The following TRPM2 variants were observed in gnomAD, a reference collection of about 807,000 sequenced individuals.
The protein encoded by TRPM2 is transient receptor potential cation channel subfamily M member 2, also known as estrogen-responsive element-associated gene 1 protein.
A neutral mutation model predicts 174.0 loss-of-function variants in TRPM2; 161 were observed. The ratio of observed to expected loss-of-function variants is 0.93; its 90% CI spans 0.81 to 1.05. The LOEUF is 1.05. Ranked by LOEUF, TRPM2 falls within the 50% of genes least tolerant of loss-of-function variation. The pLI, the probability that TRPM2 is intolerant of heterozygous loss-of-function variation, is 0.00. For missense variants in TRPM2, 2,057 were observed against 2,038.0 expected, an observed-to-expected ratio of 1.01 and a Z score of -0.18; for synonymous variants, 954 against 861.3, an observed-to-expected ratio of 1.11 and a Z score of -1.88.
rs2049533467 is a variant in TRPM2, at chr21:44,399,343, CTG to C, written c.2111_2112del (p.Leu704ProfsTer146). On this transcript the variant is annotated frameshift_variant, in exon 14 of 32. Coordinates refer to ENST00000397928, the MANE Select transcript of TRPM2 (RefSeq NM_003307.4). LOFTEE classifies it high-confidence loss of function. The surrounding 1 kb of genome is among the most constrained non-coding windows in gnomAD (Gnocchi z 4.6). ...GAAGGACGAAGAGAGAGCCCAGAAA[CTG>C]CTCACCCGCGTGTCCGAGGCCTGGG... ...YRKDEERAQK[L>X]LTRVSEAWGK... 1 of 1,612,872 alleles carries C rather than the reference CTG, an allele frequency of 6.2e-7. No homozygotes were observed. The highest frequency in any genetic ancestry group is 1.1e-5 in the South Asian group (1 of 91,088).
chr21:44,418,280 C>A, intron 21 of TRPM2, 143 bp from the exon 22 acceptor site: 1 of 1,373,510 alleles, frequency 7.3e-7, no homozygotes, highest in Non-Finnish European at 9.8e-7. Flanking sequence ...AGCCCAGAGG[C>A]CCCCTTGGGG....
chr21:44,398,009 G>A (rs982953932), intron 13 of TRPM2, 133 bp downstream of exon 13: 42 of 1,136,588 alleles, frequency 3.7e-5, no homozygotes, highest in South Asian at 5.3e-5. Context: ...AGCCCTGCAC[G>A]CTTACCCTGG....
In TRPM2 at chr21:44,366,769, C is replaced by T. The variant is rs917488083; in HGVS notation, c.439C>T (p.Gln147Ter). ...QKVKKYVRVS[Q>*]DTPSSVIYHL... is the part of the protein sequence containing the mutation. ...TTTCCCGCAGTACGTCCGAGTCTCC[C>T]AGGACACGCCCTCCAGCGTGATCTA... The change falls in exon 4 of 32, where the codon CAG becomes TAG. Residue 147 changes from glutamine to a stop codon, truncating the protein, a stop_gained. Transcript: ENST00000397928. LOFTEE classifies it high-confidence loss of function. This position sits in a 1 kb window ranked among gnomAD's most constrained non-coding sequence, Gnocchi z 6.0. 1.9e-6 allele frequency: 3 copies of T among 1,614,028 alleles called. No homozygotes were observed.
chr21:44,396,070 G>A (rs1569059087), intron 12 of TRPM2, among the ~76,000 whole-genome samples: 1 of 32,390 alleles, frequency 3.1e-5, no homozygotes, highest in Non-Finnish European at 6.2e-5. Flanking sequence ...GGGCTGTGGA[G>A]GGATGTGGAG....
At chr21:44,408,288 G>A (rs781165893) in intron 19 of TRPM2, among the ~76,000 whole-genome samples, 4 of 152,032 alleles carry the variant, frequency 2.6e-5, no homozygotes, top group Non-Finnish European at 5.9e-5. Context: ...AGCATGAACA[G>A]TTATTTACAG....
At position 44,353,884 on chromosome 21, in the gene TRPM2, AG is replaced by A; in HGVS notation, c.165+20del. On this transcript the variant is annotated intron_variant, in intron 1 of 31. Transcript: ENST00000397928. The stretch of plus-strand genomic sequence containing the variant: ...TGACAAGGTAGGCTTTCTGCTGGTC[AG>A]CCTGCAGTTGGCACGTGGCCACGGA... 3.1e-6 allele frequency: 5 copies of A among 1,593,396 alleles called. No homozygotes were observed. Among genetic ancestry groups the A allele is most frequent in the Non-Finnish European group, 4.3e-6 (5 of 1,171,864 alleles).
intron 29 of TRPM2, among the ~76,000 whole-genome samples, chr21:44,437,902 C>T (rs1334452400): frequency 6.6e-6 from 1 of 152,244 alleles, no homozygotes; most frequent in Non-Finnish European, 1.5e-5. Flanking sequence ...CGCATGGCCT[C>T]TGGGGTACAG....
rs186549600 is a variant in TRPM2, at chr21:44,371,101, C to T, written c.771+1758C>T. On this transcript the variant is annotated intron_variant, in intron 5 of 31. Transcript: ENST00000397928. ...CGTCGATTGGCCATCATCCAGCCAT[C>T]GGTGTTGGCGGGGCCACCTCCCTCT... Among the ~76,000 whole-genome samples the T allele has an allele frequency of 5.2e-3, 793 of 152,342 alleles. 8 individuals are homozygous for T. Among genetic ancestry groups the T allele is most frequent in the African/African-American group, 0.018 (750 of 41,582 alleles).
chr21:44,429,019 G>A (rs2050932810), intron 27 of TRPM2, among the ~76,000 whole-genome samples: 1 of 152,190 alleles, frequency 6.6e-6, no homozygotes, highest in Non-Finnish European at 1.5e-5. Flanking sequence ...GAGTTTAAAA[G>A]CCAGTTTTTC....
chr21:44,360,333 G>A (rs554833962), intron 2 of TRPM2, among the ~76,000 whole-genome samples: 1 of 152,196 alleles, frequency 6.6e-6, no homozygotes, highest in African/African-American at 2.4e-5. Context: ...GTCCCCAGGC[G>A]AGGGGAGGAG....
intron 21 of TRPM2, 108 bp downstream of exon 21, chr21:44,418,216 C>T: frequency 7.0e-7 from 1 of 1,436,192 alleles, no homozygotes; most frequent in African/African-American, 1.4e-5. Flanking sequence ...AGCAGGCGTG[C>T]AGGTCACTCA....
In TRPM2 at chr21:44,399,592, C is replaced by T; in HGVS notation, c.2208+151C>T. ...CAGCGCCTGACCCCTCGGCCACCTG[C>T]TCCAGGCTCTGGCCTCCCATTTTGC... On this transcript the variant is annotated intron_variant, in intron 14 of 31. Transcript: ENST00000397928. The surrounding 1 kb of genome is among the most constrained non-coding windows in gnomAD (Gnocchi z 4.6). The T allele has an allele frequency of 9.1e-7, 1 of 1,096,546 alleles. No homozygotes were observed. The highest frequency in any genetic ancestry group is 3.2e-4 in the Middle Eastern group (1 of 3,086). The allele number at this position is 1,096,546 out of a possible 1,614,324, so 67.9% of individuals were successfully genotyped here. A position where few individuals can be genotyped will look rare whatever the true frequency, so the allele number is the denominator to read the frequency against.
intron 9 of TRPM2, among the ~76,000 whole-genome samples, chr21:44,388,784 A>G (rs1379604799): frequency 6.6e-6 from 1 of 152,132 alleles, no homozygotes; most frequent in African/African-American, 2.4e-5. Flanking sequence ...GATTATAAAT[A>G]TGATCACAGC....
At chr21:44,363,490 A>T (rs4818916) in intron 2 of TRPM2, among the ~76,000 whole-genome samples, 3 of 147,054 alleles carry the variant, frequency 2.0e-5, no homozygotes, top group Admixed American at 2.0e-4. Context: ...TTTTTATTTC[A>T]GTTACTGCAT....
At chr21:44,360,471 C>A (rs972967009) in intron 2 of TRPM2, among the ~76,000 whole-genome samples, 1 of 152,100 alleles carries the variant, frequency 6.6e-6, no homozygotes, top group African/African-American at 2.4e-5. Context: ...TGCAGAAGGG[C>A]CCCACGGTTC....
intron 29 of TRPM2, 157 bp downstream of exon 29, chr21:44,437,324 A>AG (rs1431364498): frequency 3.2e-6 from 2 of 634,094 alleles, no homozygotes; most frequent in East Asian, 5.6e-5. Context: ...TGTCTGTAGA[A>AG]GACACTCCTC....
chr21:44,375,243 A>G (rs1412840630), intron 5 of TRPM2, among the ~76,000 whole-genome samples: 1 of 152,120 alleles, frequency 6.6e-6, no homozygotes, highest in Non-Finnish European at 1.5e-5. Context: ...TCCCACCAAC[A>G]TTCTCTTCAA....
intron 2 of TRPM2, among the ~76,000 whole-genome samples, chr21:44,361,603 C>T (rs1333696425): frequency 6.7e-6 from 1 of 150,016 alleles, no homozygotes; most frequent in Non-Finnish European, 1.5e-5. Context: ...TATGTTAGGG[C>T]TTATGTCTGC....
intron 27 of TRPM2, among the ~76,000 whole-genome samples, chr21:44,427,619 G>A (rs193200845): frequency 6.6e-6 from 1 of 152,206 alleles, no homozygotes; most frequent in African/African-American, 2.4e-5. Context: ...GAGCCTGGGA[G>A]TCTTGGACCC....
Sources: allele counts gnomAD v4.1 joint callset (sites outside exome capture counted in the v4.1 genomes callset), GRCh38; gene constraint gnomAD v4.1.1; non-coding constraint Gnocchi (gnomAD v3.1); transcripts MANE v1.5; gene names NCBI Gene and HGNC (gene_info 2026-07-23, HGNC 2026-07-21).